Variants in TMTC1 observed in about 807,000 individuals in gnomAD.
TMTC1 encodes the protein protein O-mannosyl-transferase TMTC1.
TMTC1 carries 73 observed loss-of-function variants against 104.8 expected under a neutral mutation model. The ratio of observed to expected loss-of-function variants is 0.70; its 90% CI spans 0.58 to 0.85. The LOEUF is 0.85. TMTC1 is among the 40% of genes least tolerant of loss of function. The pLI is 0.00. For synonymous variants in TMTC1, 434 were observed against 428.7 expected (o/e 1.01, Z -0.15); for missense variants, 1,035 against 1,096.1 (o/e 0.94, Z 0.79).
chr12:29,608,737 C>T lies in TMTC1; in HGVS notation c.1129-4438G>A, dbSNP rs530325869. On this transcript the variant is annotated intron_variant, in intron 6 of 17. Coordinates refer to ENST00000539277, the MANE Select transcript of TMTC1 (RefSeq NM_001193451.2). ...TGAAAATCCTGTCTTAACACCCAGACGGGGGTGCTGAGAGGGTCGCTCAGT... is the reference window on the plus strand; with the variant it reads ...TGAAAATCCTGTCTTAACACCCAGATGGGGGTGCTGAGAGGGTCGCTCAGT... 9.2e-5 allele frequency among the ~76,000 whole-genome samples: 14 copies of T among 152,222 alleles called. No homozygotes were observed. In the East Asian group the frequency reaches 2.3e-3, roughly 25 times the overall value.
Position 29,516,377 on chromosome 12 carries a change from A to G in TMTC1, c.2279T>C (p.Ile760Thr). ...CLECYRLLSAIYSKQENHDKA... is the reference protein window; with the variant it reads ...CLECYRLLSATYSKQENHDKA... Reference sequence around the variant, plus strand: ...GTCGTGGTTCTCCTGCTTGCTATAGATGGCTGACAAGAGGCGATAGCATTC... The same window carrying G: ...GTCGTGGTTCTCCTGCTTGCTATAGGTGGCTGACAAGAGGCGATAGCATTC... The change falls in exon 15 of 18, where the codon ATC becomes ACC. Residue 760 changes from isoleucine (I) to threonine (T), a missense_variant. By Grantham distance (89) the Ile-to-Thr change is moderately conservative. Transcript: ENST00000539277. 1 of 1,613,748 alleles carries G rather than the reference A, an allele frequency of 6.2e-7. No homozygotes were observed. Among genetic ancestry groups the G allele is most frequent in the Non-Finnish European group, 8.5e-7 (1 of 1,179,820 alleles).
chr12:29,753,599 G>A (rs1565814905), intron 4 of TMTC1, among the ~76,000 whole-genome samples: 1 of 152,232 alleles, frequency 6.6e-6, no homozygotes, highest in Admixed American at 6.5e-5. Context: ...CCGCCCTTAG[G>A]TGATATCACC....
chr12:29,685,740 T>C (rs1941071885), intron 5 of TMTC1, among the ~76,000 whole-genome samples: 3 of 152,162 alleles, frequency 2.0e-5, no homozygotes, highest in Admixed American at 2.0e-4. Context: ...TGTAATTTGC[T>C]ATTTATTCTG....
chr12:29,652,680 G>C (rs185496608), intron 5 of TMTC1, among the ~76,000 whole-genome samples: 1 of 152,174 alleles, frequency 6.6e-6, no homozygotes, highest in Non-Finnish European at 1.5e-5. Context: ...AGAAAGATAA[G>C]ATATGGTTTC....
chr12:29,630,107 CAT>C (rs930694464), intron 6 of TMTC1, among the ~76,000 whole-genome samples: 10 of 152,304 alleles, frequency 6.6e-5, no homozygotes, highest in African/African-American at 2.2e-4. Context: ...TCCAACCCCA[CAT>C]GTTTTCTGTC....
chr12:29,672,344 T>A, intron 5 of TMTC1, among the ~76,000 whole-genome samples: 1 of 152,208 alleles, frequency 6.6e-6, no homozygotes, highest in East Asian at 1.9e-4. Context: ...ACAGGGTCAG[T>A]ACCCAGGACA....
chr12:29,513,936 G>C (rs1807836680), intron 16 of TMTC1, among the ~76,000 whole-genome samples: 1 of 152,084 alleles, frequency 6.6e-6, no homozygotes, highest in African/African-American at 2.4e-5. Context: ...ATAATACAAT[G>C]TAATATGTGA....
At chr12:29,567,163 C>T (rs1945539090) in intron 9 of TMTC1, among the ~76,000 whole-genome samples, 1 of 152,228 alleles carries the variant, frequency 6.6e-6, no homozygotes, top group Non-Finnish European at 1.5e-5. Flanking sequence ...TTCTACTCAA[C>T]ATCTCCTTTC....
At chr12:29,738,569 C>T (rs1942743156) in intron 5 of TMTC1, among the ~76,000 whole-genome samples, 1 of 152,212 alleles carries the variant, frequency 6.6e-6, no homozygotes, top group African/African-American at 2.4e-5. Flanking sequence ...CACATCTGCT[C>T]ATTTTCTTTG....
chr12:29,783,336 G>A lies in TMTC1; in HGVS notation c.302+114C>T, dbSNP rs943434815. 1 of 966,426 alleles carries A rather than the reference G, an allele frequency of 1.0e-6. No individual in the cohort carries two copies. The highest frequency in any genetic ancestry group is 1.3e-6 in the Non-Finnish European group (1 of 740,914). The allele number at this position is 966,426 out of a possible 1,614,324, so 59.9% of individuals were successfully genotyped here. On this transcript the variant is annotated intron_variant, in intron 1 of 17. Coordinates refer to ENST00000539277, the MANE Select transcript of TMTC1 (RefSeq NM_001193451.2). The surrounding 1 kb of genome is among the most constrained non-coding windows in gnomAD (Gnocchi z 4.7). ...CCTGGAGAGGAGGGAGGCGTGGAGG[G>A]AAAGGGCGGCAAAAATGAAATGCCC... is the stretch of plus-strand genomic sequence containing the variant.
chr12:29,732,479 A>G (rs916788201), intron 5 of TMTC1, among the ~76,000 whole-genome samples: 1 of 152,216 alleles, frequency 6.6e-6, no homozygotes, highest in Non-Finnish European at 1.5e-5. Context: ...CAAGAGAAAG[A>G]CACCATAAAA....
At chr12:29,636,591 G>C (rs557674778) in intron 5 of TMTC1, among the ~76,000 whole-genome samples, 5 of 152,012 alleles carry the variant, frequency 3.3e-5, no homozygotes, top group Non-Finnish European at 7.4e-5. Context: ...AGGCCGAGGC[G>C]GGCGGATCAC....
At chr12:29,713,343 GGAGA>G (rs113105294) in intron 5 of TMTC1, among the ~76,000 whole-genome samples, 9,888 of 99,010 alleles carry the variant, frequency 0.1, 441 homozygotes, top group Non-Finnish European at 0.15. Flanking sequence ...ACACACACAG[GGAGA>G]GAGAGAGAGA....
In TMTC1 at chr12:29,783,908, C is replaced by T; in HGVS notation, c.-157G>A. Reference sequence around the variant, plus strand: ...GCGAGCTCCCCGCGCTCCGCCGCCGCCTGCGCCGCGGAGTTGGCCCAGCTG... The same window carrying T: ...GCGAGCTCCCCGCGCTCCGCCGCCGTCTGCGCCGCGGAGTTGGCCCAGCTG... On this transcript the variant is annotated 5_prime_UTR_variant, in exon 1 of 18. Transcript: ENST00000539277. The surrounding 1 kb of genome is among the most constrained non-coding windows in gnomAD (Gnocchi z 4.7). 8.8e-6 allele frequency: 6 copies of T among 685,116 alleles called. No individual in the cohort carries two copies. The highest frequency in any genetic ancestry group is 1.1e-5 in the Non-Finnish European group (6 of 544,486). 42.4% of individuals were successfully genotyped at this position (685,116 alleles called of 1,614,324 possible).
At chr12:29,731,209 T>G (rs907660169) in intron 5 of TMTC1, among the ~76,000 whole-genome samples, 2 of 152,136 alleles carry the variant, frequency 1.3e-5, no homozygotes, top group African/African-American at 4.8e-5. Context: ...AAGGCTGGAG[T>G]GCAGTGGTGC....
intron 15 of TMTC1, among the ~76,000 whole-genome samples, chr12:29,514,962 G>A (rs941156002): frequency 1.3e-5 from 2 of 152,048 alleles, no homozygotes; most frequent in African/African-American, 4.8e-5. Context: ...TTGTAGTGAG[G>A]TGAGATCATG....
At chr12:29,709,851 G>C (rs1006719746) in intron 5 of TMTC1, among the ~76,000 whole-genome samples, 1 of 152,178 alleles carries the variant, frequency 6.6e-6, no homozygotes, top group Admixed American at 6.5e-5. Flanking sequence ...CTGTAGGATA[G>C]GTTTCTTGAG....
At chr12:29,612,402 T>C (rs1205812645) in intron 6 of TMTC1, among the ~76,000 whole-genome samples, 2 of 152,010 alleles carry the variant, frequency 1.3e-5, no homozygotes, top group Non-Finnish European at 2.9e-5. Flanking sequence ...CATCCATTCA[T>C]CTTTTTAAAA....
intron 6 of TMTC1, among the ~76,000 whole-genome samples, chr12:29,617,122 CA>C (rs767949486): frequency 6.6e-6 from 1 of 151,856 alleles, no homozygotes; most frequent in Non-Finnish European, 1.5e-5. Context: ...AAAACTTTGT[CA>C]GTTTTTAAGA....
Sources: gnomAD v4.1 joint callset for allele counts (sites outside exome capture counted in the v4.1 genomes callset) on GRCh38, gnomAD v4.1.1 for gene constraint, Gnocchi (gnomAD v3.1) non-coding constraint, MANE v1.5 for transcripts, NCBI Gene and HGNC (gene_info 2026-07-23, HGNC 2026-07-21) for gene names.